The following MEI4 variants were observed in gnomAD, a reference collection of about 807,000 sequenced individuals.
MEI4 encodes meiosis-specific protein MEI4.
Under a neutral mutation model 31.4 loss-of-function variants are expected in MEI4, and 27 were observed. The observed-to-expected ratio is 0.86, with a 90% CI of 0.63 to 1.19. The LOEUF (loss-of-function observed/expected upper bound fraction) is 1.19. Among genes scored for constraint, MEI4 ranks in the 50% most tolerant of loss-of-function variants. The pLI, the probability that MEI4 is intolerant of heterozygous loss-of-function variation, is 0.00. For synonymous variants in MEI4, 122 were observed against 145.4 expected (o/e 0.84, Z 1.16); for missense variants, 329 against 398.9 (o/e 0.82, Z 1.49).
At chr6:77,842,651 CCTT>C (rs1449107706) in intron 4 of MEI4, among the ~76,000 whole-genome samples, 2 of 152,066 alleles carry the variant, frequency 1.3e-5, no homozygotes, top group Non-Finnish European at 2.9e-5. Flanking sequence ...TGTATCTTTC[CCTT>C]CTTCTTCCAA....
intron 3 of MEI4, among the ~76,000 whole-genome samples, chr6:77,813,285 G>C (rs138480062): frequency 6.6e-6 from 1 of 152,076 alleles, no homozygotes; most frequent in African/African-American, 2.4e-5. Context: ...CTATGAATGA[G>C]TTTCCTTTCA....
At chr6:77,858,023 T>C (rs1037123375) in intron 4 of MEI4, among the ~76,000 whole-genome samples, 18 of 152,330 alleles carry the variant, frequency 1.2e-4, no homozygotes, top group African/African-American at 4.1e-4. Context: ...TTTGTGTTTA[T>C]AATGCCTAAA....
At chr6:77,703,944 AAG>A (rs1766277143) in intron 2 of MEI4, among the ~76,000 whole-genome samples, 1 of 152,130 alleles carries the variant, frequency 6.6e-6, no homozygotes, top group African/African-American at 2.4e-5. Context: ...TTGGTAGTTG[AAG>A]AGAGTGCAAA....
At chr6:77,909,457 A>G (rs1211693734) in intron 4 of MEI4, among the ~76,000 whole-genome samples, 1 of 152,110 alleles carries the variant, frequency 6.6e-6, no homozygotes, top group Non-Finnish European at 1.5e-5. Flanking sequence ...AGAAAATGTA[A>G]AAGAAATGAA....
intron 4 of MEI4, among the ~76,000 whole-genome samples, chr6:77,918,016 A>T (rs1031901420): frequency 6.6e-6 from 1 of 151,818 alleles, no homozygotes; most frequent in Non-Finnish European, 1.5e-5. Flanking sequence ...ACCATATATT[A>T]AATAGGGAAT....
At chr6:77,675,547 T>TTA (rs1491502137) in intron 1 of MEI4, among the ~76,000 whole-genome samples, 2 of 138,702 alleles carry the variant, frequency 1.4e-5, no homozygotes, top group African/African-American at 5.4e-5. Flanking sequence ...TTTTTTTTTT[T>TTA]AAAAAAAAGG....
At chr6:77,859,280 G>A (rs1770812531) in intron 4 of MEI4, among the ~76,000 whole-genome samples, 2 of 152,046 alleles carry the variant, frequency 1.3e-5, no homozygotes. Context: ...ATGTACATTT[G>A]GGTTGGTTCT....
chr6:77,793,603 T>A (rs947788223), intron 3 of MEI4, among the ~76,000 whole-genome samples: 1 of 152,160 alleles, frequency 6.6e-6, no homozygotes, highest in Non-Finnish European at 1.5e-5. Flanking sequence ...GGATACACAG[T>A]ATGAAATAGT....
chr6:77,736,373 T>G (rs1188751844), intron 2 of MEI4, among the ~76,000 whole-genome samples: 1 of 152,074 alleles, frequency 6.6e-6, no homozygotes, highest in Non-Finnish European at 1.5e-5. Flanking sequence ...AAGCGCAGTA[T>G]TTGGGTGGGA....
chr6:77,749,969 A>T (rs1194975773), intron 2 of MEI4, among the ~76,000 whole-genome samples: 1 of 152,222 alleles, frequency 6.6e-6, no homozygotes, highest in South Asian at 2.1e-4. Flanking sequence ...AATATTCAAC[A>T]TTCTTAAAGA....
intron 2 of MEI4, among the ~76,000 whole-genome samples, chr6:77,703,641 A>G (rs560295442): frequency 6.6e-6 from 1 of 152,302 alleles, no homozygotes; most frequent in African/African-American, 2.4e-5. Context: ...CAAACGTACC[A>G]TGAGGATTCT....
At chr6:77,747,328 A>G (rs919410827) in intron 2 of MEI4, among the ~76,000 whole-genome samples, 3 of 151,734 alleles carry the variant, frequency 2.0e-5, no homozygotes, top group African/African-American at 4.9e-5. Flanking sequence ...AAAAAAAAAG[A>G]AAAAGAGAAA....
At chr6:77,777,888 C>G (rs1179720648) in intron 3 of MEI4, among the ~76,000 whole-genome samples, 2 of 151,540 alleles carry the variant, frequency 1.3e-5, no homozygotes, top group Non-Finnish European at 2.9e-5. Context: ...TTAAAAAAAC[C>G]TTTAAATTTA....
At chr6:77,880,819 G>A (rs1433313891) in intron 4 of MEI4, among the ~76,000 whole-genome samples, 1 of 151,830 alleles carries the variant, frequency 6.6e-6, no homozygotes, top group African/African-American at 2.4e-5. Flanking sequence ...ACAATTTCAG[G>A]AAAATGGATA....
chr6:77,760,285 C>CTA (rs762489321), intron 2 of MEI4, among the ~76,000 whole-genome samples: 18 of 151,718 alleles, frequency 1.2e-4, no homozygotes, highest in African/African-American at 4.4e-4. Flanking sequence ...ATGTAGATAT[C>CTA]TATATATATT....
At chr6:77,866,125 A>G (rs1454622175) in intron 4 of MEI4, among the ~76,000 whole-genome samples, 1 of 152,006 alleles carries the variant, frequency 6.6e-6, no homozygotes, top group Non-Finnish European at 1.5e-5. Flanking sequence ...CCAATATCAT[A>G]CTGAATGGGC....
intron 1 of MEI4, among the ~76,000 whole-genome samples, chr6:77,673,054 A>C (rs1768777884): frequency 6.6e-6 from 1 of 152,226 alleles, no homozygotes. Flanking sequence ...ACATTTGGGC[A>C]CAGAATTGAC....
chr6:77,706,137 G>A (rs1766328121), intron 2 of MEI4, among the ~76,000 whole-genome samples: 1 of 152,184 alleles, frequency 6.6e-6, no homozygotes, highest in East Asian at 1.9e-4. Flanking sequence ...GCAGGTCATT[G>A]AAATTAGAAC....
At chr6:77,900,298 A>C (rs950197185) in intron 4 of MEI4, among the ~76,000 whole-genome samples, 3 of 152,026 alleles carry the variant, frequency 2.0e-5, no homozygotes, top group Non-Finnish European at 4.4e-5. Context: ...AAAATATTAA[A>C]ATATTTCTAC....
Sources: allele counts gnomAD v4.1 joint callset (sites outside exome capture counted in the v4.1 genomes callset), GRCh38; gene constraint gnomAD v4.1.1; transcripts MANE v1.5; gene names NCBI Gene and HGNC (gene_info 2026-07-23, HGNC 2026-07-21).